Variants in PHIP observed in about 807,000 individuals in gnomAD.
PHIP encodes PH-interacting protein.
PHIP carries 54 observed loss-of-function variants against 236.8 expected under a neutral mutation model. The observed-to-expected ratio is 0.23, with a 90% CI of 0.18 to 0.29. The LOEUF (loss-of-function observed/expected upper bound fraction) is 0.29, where lower values mean the gene tolerates loss of function less well. Ranked by LOEUF, PHIP falls within the 10% of genes least tolerant of loss-of-function variation. The probability of loss-of-function intolerance (pLI) is 1.00; values close to 1 mark genes in which losing one functional copy is unlikely to be tolerated. For synonymous variants in PHIP, 756 were observed against 718.9 expected, an observed-to-expected ratio of 1.05 and a Z score of -0.83; for missense variants, 1,370 against 2,190.8, an observed-to-expected ratio of 0.63 and a Z score of 7.48.
Position 78,958,585 on chromosome 6 carries a change from T to A in PHIP, c.3672A>T (p.Leu1224=). 6.4e-7 allele frequency: 1 copy of A among 1,569,068 alleles called. No homozygotes were observed. Among genetic ancestry groups the A allele is most frequent in the Non-Finnish European group, 8.7e-7 (1 of 1,143,270 alleles). The change falls in exon 32 of 40, where the codon CTA becomes CTT. Residue 1224 remains leucine, a synonymous_variant. Transcript: ENST00000275034. ...ENRFYRRVSS[L]MWEVRYIEHN... ...GCTCTATATATCGAACTTCCCACAT[T>A]AGGGAAGAAACCCGCCTTAAAAAAA... is the stretch of plus-strand genomic sequence containing the variant.
At chr6:78,955,985 T>C (rs1349088255) in intron 32 of PHIP, 1 of 194,878 alleles carries the variant, frequency 5.1e-6, no homozygotes, top group Non-Finnish European at 1.0e-5. Context: ...AATACATTTC[T>C]TGTCTTCCAA....
chr6:79,002,101 A>G lies in PHIP; in HGVS notation c.1677T>C (p.His559=). ...YDKIADQMFF[H]SDYRPLIRDA... The stretch of plus-strand genomic sequence containing the variant: ...CACGAATAAGTGGCCGATAATCACT[A>G]TGAAAGAACATCTGATCTGCTATCT... Residue 559 remains histidine (H), a synonymous_variant, in exon 17 of 40, where the codon CAT becomes CAC. Coordinates refer to ENST00000275034, the MANE Select transcript of PHIP (RefSeq NM_017934.7). 1 of 1,612,336 alleles carries G rather than the reference A, an allele frequency of 6.2e-7. No homozygotes were observed. Among genetic ancestry groups the G allele is most frequent in the Non-Finnish European group, 8.5e-7 (1 of 1,178,608 alleles).
rs149095030 is a variant in PHIP at position 79,007,686 on chromosome 6, G to A, written c.1525-3828C>T. On this transcript the variant is annotated intron_variant, in intron 15 of 39. Coordinates refer to ENST00000275034, the MANE Select transcript of PHIP (RefSeq NM_017934.7). ...TTTTTTTTTTTTTTTTAAGCACACC[G>A]TTCATTAGAAGAAAGCATCTTACCT... is the stretch of plus-strand genomic sequence containing the variant. 6.9e-4 allele frequency among the ~76,000 whole-genome samples: 89 copies of A among 129,596 alleles called. No individual in the cohort carries two copies. In the South Asian group the frequency reaches 7.2e-3, roughly 11 times the overall value. 85.0% of individuals were successfully genotyped at this position (129,596 alleles called of 152,430 possible). A position where few individuals can be genotyped will look rare whatever the true frequency, so the allele number is the denominator to read the frequency against.
In PHIP at chr6:78,939,219, T is replaced by C. The variant is rs1161353442; in HGVS notation, c.*1474A>G. The C allele has an allele frequency of 1.3e-5, 2 of 151,756 alleles. No homozygotes were observed. The highest frequency in any genetic ancestry group is 4.8e-5 in the African/African-American group (2 of 41,412). 9.4% of individuals were successfully genotyped at this position (151,756 alleles called of 1,614,324 possible). On this transcript the variant is annotated 3_prime_UTR_variant, in exon 40 of 40. Coordinates refer to ENST00000275034, the MANE Select transcript of PHIP (RefSeq NM_017934.7). The stretch of plus-strand genomic sequence containing the variant: ...CATAGCAGTACATATAGCAATACAT[T>C]CTCCTAAGTCATATAGTTATCATTT...
chr6:79,067,146 C>T (rs1773663680), intron 4 of PHIP, among the ~76,000 whole-genome samples: 1 of 152,188 alleles, frequency 6.6e-6, no homozygotes, highest in African/African-American at 2.4e-5. Context: ...CTCAGCCTCT[C>T]AAGTAGCTAG....
At chr6:78,949,971 G>A (rs190345850) in intron 35 of PHIP, among the ~76,000 whole-genome samples, 3 of 152,228 alleles carry the variant, frequency 2.0e-5, no homozygotes, top group East Asian at 1.9e-4. Flanking sequence ...TTACAGGTGT[G>A]AGCCACCATG....
At chr6:79,063,422 G>GT (rs1286669794) in intron 4 of PHIP, among the ~76,000 whole-genome samples, 1 of 152,092 alleles carries the variant, frequency 6.6e-6, no homozygotes, top group Non-Finnish European at 1.5e-5. Flanking sequence ...TTTGGGGTGA[G>GT]TTTGTTTGTT....
chr6:79,025,437 C>G, intron 9 of PHIP, 82 bp downstream of exon 9: 1 of 755,538 alleles, frequency 1.3e-6, no homozygotes, highest in Non-Finnish European at 2.3e-6. Context: ...AAATGTATTC[C>G]TATTGTCGAC....
Position 79,062,673 on chromosome 6 carries a change from A to G in PHIP, c.190-1855T>C, listed in dbSNP as rs556837382. 5.7e-4 allele frequency among the ~76,000 whole-genome samples: 86 copies of G among 152,082 alleles called. 1 individual carries two copies. Among genetic ancestry groups the G allele is most frequent in the South Asian group, 8.3e-4 (4 of 4,826 alleles). On this transcript the variant is annotated intron_variant, in intron 4 of 39. Coordinates refer to ENST00000275034, the MANE Select transcript of PHIP (RefSeq NM_017934.7). ...TCTTTCAATAAAATATTATGAATCC[A>G]CTCTGACTCAAGCTTTCTTTGGTGA...
At chr6:78,971,760 G>C (rs1356337871) in intron 24 of PHIP, among the ~76,000 whole-genome samples, 1 of 152,152 alleles carries the variant, frequency 6.6e-6, no homozygotes, top group East Asian at 1.9e-4. Context: ...TCAAAGAAAG[G>C]GGTGACGGAC....
chr6:78,954,247 A>AC (rs1055492001), intron 35 of PHIP, among the ~76,000 whole-genome samples: 17 of 146,648 alleles, frequency 1.2e-4, no homozygotes, highest in Non-Finnish European at 2.1e-4. Context: ...GACTACAGGC[A>AC]CCCGCCCACA....
Position 79,015,287 on chromosome 6 carries a change from C to T in PHIP, c.1390-71G>A, listed in dbSNP as rs1352059225. 5.9e-6 allele frequency: 7 copies of T among 1,192,676 alleles called. No homozygotes were observed. The African/African-American group carries it at 6.1e-5, about 10-fold the overall frequency. The allele number at this position is 1,192,676 out of a possible 1,614,324, so 73.9% of individuals were successfully genotyped here. On this transcript the variant is annotated intron_variant, in intron 14 of 39. Coordinates refer to ENST00000275034, the MANE Select transcript of PHIP (RefSeq NM_017934.7). ...AAAGAAAAACAAACATAATGAAATA[C>T]CAATATGGCACTATTTCTAGAAATG... is the stretch of plus-strand genomic sequence containing the variant.
chr6:79,072,099 A>C (rs1051577504), intron 4 of PHIP, among the ~76,000 whole-genome samples: 2 of 152,250 alleles, frequency 1.3e-5, no homozygotes, highest in African/African-American at 2.4e-5. Flanking sequence ...ACAGAAGTCA[A>C]GACATCTCTT....
chr6:78,985,275 G>T, intron 22 of PHIP, 77 bp downstream of exon 22: 1 of 783,556 alleles, frequency 1.3e-6, no homozygotes, highest in Non-Finnish European at 2.2e-6. Context: ...ACTTTGAAAC[G>T]TGTTGCTGGT....
chr6:79,005,872 A>G (rs1345835310), intron 15 of PHIP, among the ~76,000 whole-genome samples: 4 of 151,932 alleles, frequency 2.6e-5, no homozygotes, highest in South Asian at 2.1e-4. Flanking sequence ...TTATTTATCA[A>G]TGTTGCCACA....
intron 29 of PHIP, among the ~76,000 whole-genome samples, chr6:78,964,459 G>A (rs4706746): frequency 0.33 from 49,989 of 151,904 alleles, 9,794 homozygotes; most frequent in East Asian, 0.69. Context: ...GTTTTTTAAA[G>A]ATCTTATTTA....
chr6:79,017,421 T>G, intron 11 of PHIP, 35 bp from the exon 12 acceptor site: 1 of 1,588,376 alleles, frequency 6.3e-7, no homozygotes, highest in Non-Finnish European at 8.6e-7. Flanking sequence ...AAGTGGGTGC[T>G]GAATATAAAC....
Position 79,040,765 on chromosome 6 carries a change from T to G in PHIP, c.600+2078A>C, listed in dbSNP as rs543909724. 1.5e-4 allele frequency among the ~76,000 whole-genome samples: 23 copies of G among 152,262 alleles called. No individual in the cohort carries two copies. In the South Asian group the frequency reaches 4.1e-3, roughly 27 times the overall value. ...TTTTCAAAAAAATAGTGCCCTCATA[T>G]CTTCGTTATTTCTTATTGTAAGGTA... On this transcript the variant is annotated intron_variant, in intron 7 of 39. Transcript: ENST00000275034.
At chr6:78,987,450 T>C (rs2127721188) in intron 21 of PHIP, among the ~76,000 whole-genome samples, 1 of 152,272 alleles carries the variant, frequency 6.6e-6, no homozygotes, top group East Asian at 1.9e-4. Flanking sequence ...TAGAATACTC[T>C]CAGTTTGAGA....
Sources: allele counts gnomAD v4.1 joint callset (sites outside exome capture counted in the v4.1 genomes callset), GRCh38; gene constraint gnomAD v4.1.1; transcripts MANE v1.5; gene names NCBI Gene and HGNC (gene_info 2026-07-23, HGNC 2026-07-21).